Variants in DLG2 observed in about 807,000 individuals in gnomAD.
DLG2 encodes discs large MAGUK scaffold protein 2.
Under a neutral mutation model 132.5 loss-of-function variants are expected in DLG2, and 45 were observed. The ratio of observed to expected loss-of-function variants is 0.34; its 90% CI spans 0.27 to 0.44. The LOEUF (loss-of-function observed/expected upper bound fraction) is 0.44, where lower values mean the gene tolerates loss of function less well. DLG2 is among the 20% of genes least tolerant of loss of function. The pLI is 1.00. For synonymous variants in DLG2, 424 were observed against 419.6 expected (o/e 1.01, Z -0.13); for missense variants, 1,045 against 1,196.9 (o/e 0.87, Z 1.87).
At chr11:84,036,272 C>G (rs1341931557) in intron 11 of DLG2, among the ~76,000 whole-genome samples, 1 of 152,014 alleles carries the variant, frequency 6.6e-6, no homozygotes, top group Non-Finnish European at 1.5e-5. Context: ...ACTTGTATAT[C>G]GTCACAGATA....
intron 6 of DLG2, among the ~76,000 whole-genome samples, chr11:85,105,871 A>G (rs1222968100): frequency 1.3e-5 from 2 of 151,666 alleles, no homozygotes; most frequent in African/African-American, 2.4e-5. Flanking sequence ...ACACAACACT[A>G]TTTTATAACT....
At position 85,434,691 on chromosome 11, in the gene DLG2, C is replaced by G. The variant is rs2153020182; in HGVS notation, c.41-149326G>C. Among the ~76,000 whole-genome samples the G allele has an allele frequency of 1.3e-5, 2 of 152,140 alleles. 1 individual carries two copies. The highest frequency in any genetic ancestry group is 4.1e-4 in the South Asian group (2 of 4,822). On this transcript the variant is annotated intron_variant, in intron 3 of 27. Transcript: ENST00000376104. The stretch of plus-strand genomic sequence containing the variant: ...ATCAAGGCAGTAATAAATAGCCTAC[C>G]AACCAAAAAAAGCCCAGGATCAGAT...
At chr11:83,806,398 A>T (rs1351016775) in intron 17 of DLG2, among the ~76,000 whole-genome samples, 1 of 152,162 alleles carries the variant, frequency 6.6e-6, no homozygotes, top group Non-Finnish European at 1.5e-5. Context: ...TTCTCTACAC[A>T]TATTTACATA....
intron 3 of DLG2, among the ~76,000 whole-genome samples, chr11:85,394,906 T>C (rs1337042330): frequency 6.6e-6 from 1 of 152,222 alleles, no homozygotes; most frequent in Non-Finnish European, 1.5e-5. Context: ...GAATATAGCA[T>C]TCTTGCCTGT....
chr11:83,980,066 C>G (rs575837458), intron 12 of DLG2, among the ~76,000 whole-genome samples: 1 of 152,222 alleles, frequency 6.6e-6, no homozygotes, highest in Admixed American at 6.5e-5. Flanking sequence ...AAATTGTGGA[C>G]CCCTCACAAA....
intron 7 of DLG2, among the ~76,000 whole-genome samples, chr11:84,284,516 T>C (rs1188452214): frequency 6.6e-6 from 1 of 152,194 alleles, no homozygotes; most frequent in East Asian, 1.9e-4. Context: ...TGCCCAGTAC[T>C]ATAAGGGAAA....
At chr11:84,394,192 C>T (rs1441434284) in intron 7 of DLG2, among the ~76,000 whole-genome samples, 1 of 152,128 alleles carries the variant, frequency 6.6e-6, no homozygotes, top group Admixed American at 6.6e-5. Flanking sequence ...TTTTTAACCA[C>T]ACAAAGCAAT....
chr11:84,333,969 G>A (rs2098472478), intron 7 of DLG2, among the ~76,000 whole-genome samples: 1 of 152,208 alleles, frequency 6.6e-6, no homozygotes, highest in Admixed American at 6.5e-5. Context: ...TGGTAGGCCA[G>A]AGGGTGAGGT....
chr11:84,951,325 T>C (rs776316224), intron 6 of DLG2, among the ~76,000 whole-genome samples: 8 of 152,156 alleles, frequency 5.3e-5, no homozygotes, highest in African/African-American at 1.4e-4. Context: ...TCATGATACA[T>C]TGTATTAAAA....
At chr11:84,364,717 T>C (rs569251167) in intron 7 of DLG2, among the ~76,000 whole-genome samples, 1 of 152,240 alleles carries the variant, frequency 6.6e-6, no homozygotes, top group East Asian at 1.9e-4. Flanking sequence ...GTTTTTAGCA[T>C]GAAGCGTTGT....
intron 7 of DLG2, among the ~76,000 whole-genome samples, chr11:84,413,801 C>T (rs1373686564): frequency 6.6e-6 from 1 of 152,182 alleles, no homozygotes; most frequent in Non-Finnish European, 1.5e-5. Context: ...CTTATCCATC[C>T]TTCTCCCTGA....
chr11:83,723,734 T>C (rs1336098323), intron 18 of DLG2, among the ~76,000 whole-genome samples: 1 of 151,924 alleles, frequency 6.6e-6, no homozygotes, highest in Non-Finnish European at 1.5e-5. Flanking sequence ...CACATGGCTG[T>C]AGTCTCAGCT....
At chr11:84,062,665 A>T (rs1177217758) in intron 10 of DLG2, among the ~76,000 whole-genome samples, 1 of 152,126 alleles carries the variant, frequency 6.6e-6, no homozygotes, top group Non-Finnish European at 1.5e-5. Flanking sequence ...ACATAATTTC[A>T]ACCTGTTTTT....
intron 7 of DLG2, among the ~76,000 whole-genome samples, chr11:84,271,626 A>C (rs962343524): frequency 1.3e-5 from 2 of 152,110 alleles, no homozygotes; most frequent in Non-Finnish European, 2.9e-5. Context: ...CTCACCAAGC[A>C]CTCTTTATGT....
At chr11:84,462,085 A>G (rs2099081834) in intron 7 of DLG2, among the ~76,000 whole-genome samples, 1 of 150,992 alleles carries the variant, frequency 6.6e-6, no homozygotes, top group Non-Finnish European at 1.5e-5. Flanking sequence ...AAATGAAAAG[A>G]CTGAACTAAA....
At chr11:83,790,752 G>T in intron 17 of DLG2, 1 of 762,728 alleles carries the variant, frequency 1.3e-6, no homozygotes, top group Non-Finnish European at 2.4e-6. Context: ...GATCTCTGGG[G>T]CAACAACTAG....
In DLG2 at chr11:84,792,860, A is replaced by G. The variant is rs188108006; in HGVS notation, c.358-258129T>C. ...TTGTTAATTGCATTTATCTTTTCAAAAACATCTTTAATTTCATTTATCTTT... is the reference window on the plus strand; with the variant it reads ...TTGTTAATTGCATTTATCTTTTCAAGAACATCTTTAATTTCATTTATCTTT... On this transcript the variant is annotated intron_variant, in intron 6 of 27. Transcript: ENST00000376104. 5.9e-5 allele frequency among the ~76,000 whole-genome samples: 9 copies of G among 152,092 alleles called. No individual in the cohort carries two copies. The East Asian group carries it at 1.7e-3, about 29-fold the overall frequency.
intron 15 of DLG2, among the ~76,000 whole-genome samples, chr11:83,891,741 T>C (rs1001215580): frequency 6.6e-6 from 1 of 152,176 alleles, no homozygotes; most frequent in East Asian, 1.9e-4. Context: ...GAGTGTGGGT[T>C]CCAAGGCTAA....
At chr11:84,533,963 G>C (rs553117153) in intron 7 of DLG2, among the ~76,000 whole-genome samples, 1 of 139,926 alleles carries the variant, frequency 7.1e-6, no homozygotes, top group Non-Finnish European at 1.5e-5. Context: ...CAGCCAAGGG[G>C]CATAGAAAAG....
Sources: gnomAD v4.1 joint callset for allele counts (sites outside exome capture counted in the v4.1 genomes callset) on GRCh38, gnomAD v4.1.1 for gene constraint, MANE v1.5 for transcripts, NCBI Gene and HGNC (gene_info 2026-07-23, HGNC 2026-07-21) for gene names.